Variants in PRDM16 observed in about 807,000 individuals in gnomAD.
The protein encoded by PRDM16 is PR/SET domain 16.
Under a neutral mutation model 110.6 loss-of-function variants are expected in PRDM16, and 23 were observed. The observed-to-expected ratio is 0.21, with a 90% confidence interval of 0.15 to 0.29. The LOEUF is 0.29. Ranked by LOEUF, PRDM16 falls within the 10% of genes least tolerant of loss-of-function variation. PRDM16 has a pLI of 1.00. For missense variants in PRDM16, 1,615 were observed against 1,794.3 expected, an observed-to-expected ratio of 0.90 and a Z score of 1.81; for synonymous variants, 799 against 781.8, an observed-to-expected ratio of 1.02 and a Z score of -0.37.
chr1:3,425,852 G>T lies in PRDM16; in HGVS notation c.3109+102G>T. 2 of 1,450,336 alleles carry T rather than the reference G, an allele frequency of 1.4e-6. No homozygotes were observed. Among genetic ancestry groups the T allele is most frequent in the African/African-American group, 1.4e-5 (1 of 71,410 alleles). The allele number at this position is 1,450,336 out of a possible 1,614,324, so 89.8% of individuals were successfully genotyped here. On this transcript the variant is annotated intron_variant, in intron 13 of 16. Coordinates refer to ENST00000270722, the MANE Select transcript of PRDM16 (RefSeq NM_022114.4). This position sits in a 1 kb window ranked among gnomAD's most constrained non-coding sequence, Gnocchi z 6.9. ...GGGAGTGGGCGCCGGGCAGGGAAGA[G>T]GGCCACAGACTACCCCTCAGGAAGC...
At chr1:3,095,423 C>A (rs554593800) in intron 1 of PRDM16, among the ~76,000 whole-genome samples, 7 of 152,240 alleles carry the variant, frequency 4.6e-5, no homozygotes, top group Non-Finnish European at 1.0e-4. Context: ...ACAGTGGTAT[C>A]CCCCTCCTGG....
chr1:3,400,644 C>T (rs1035490371), intron 5 of PRDM16, among the ~76,000 whole-genome samples: 1 of 152,146 alleles, frequency 6.6e-6, no homozygotes, highest in Non-Finnish European at 1.5e-5. Context: ...AGGTGTGGAC[C>T]GCAGTCCTGT....
intron 3 of PRDM16, among the ~76,000 whole-genome samples, chr1:3,273,574 G>A (rs1486410475): frequency 6.6e-6 from 1 of 152,148 alleles, no homozygotes; most frequent in Non-Finnish European, 1.5e-5. Flanking sequence ...ACATGCCCAT[G>A]TGTGCACATG....
chr1:3,234,588 C>T (rs917594221), intron 2 of PRDM16, among the ~76,000 whole-genome samples: 1 of 152,202 alleles, frequency 6.6e-6, no homozygotes, highest in Admixed American at 6.5e-5. Flanking sequence ...GTCAGAGAGC[C>T]ACCCCGAGCA....
intron 1 of PRDM16, among the ~76,000 whole-genome samples, chr1:3,075,079 G>A (rs939143161): frequency 1.3e-5 from 2 of 152,232 alleles, no homozygotes; most frequent in African/African-American, 2.4e-5. Flanking sequence ...AATCCTCCAC[G>A]GTCTGGAGGT....
chr1:3,210,112 G>A (rs767624879), intron 2 of PRDM16, among the ~76,000 whole-genome samples: 17 of 152,178 alleles, frequency 1.1e-4, no homozygotes, highest in Non-Finnish European at 2.4e-4. Flanking sequence ...AATAAATATT[G>A]GATAATTGCA....
At position 3,273,749 on chromosome 1, in the gene PRDM16, TG is replaced by T. The variant is rs1178924818; in HGVS notation, c.438+29617del. 2.0e-5 allele frequency among the ~76,000 whole-genome samples: 3 copies of T among 151,362 alleles called. No individual in the cohort carries two copies. In the East Asian group the frequency reaches 5.8e-4, roughly 29 times the overall value. ...ACATGTGTGTGCATGGATAGGTGTGTGGGGGTTGCATATATAAGGGTATATG... is the reference window on the plus strand; with the variant it reads ...ACATGTGTGTGCATGGATAGGTGTGTGGGGTTGCATATATAAGGGTATATG... On this transcript the variant is annotated intron_variant, in intron 3 of 16. Coordinates refer to ENST00000270722, the MANE Select transcript of PRDM16 (RefSeq NM_022114.4).
intron 3 of PRDM16, among the ~76,000 whole-genome samples, chr1:3,354,050 CAGGCACTTGT>C (rs1162938600): frequency 6.6e-6 from 1 of 152,208 alleles, no homozygotes; most frequent in Non-Finnish European, 1.5e-5. Context: ...GGTCCTGGTC[CAGGCACTTGT>C]CTCCCGTGAA....
At chr1:3,406,283 C>A (rs1221847866) in intron 8 of PRDM16, among the ~76,000 whole-genome samples, 2 of 152,080 alleles carry the variant, frequency 1.3e-5, no homozygotes, top group Non-Finnish European at 2.9e-5. Flanking sequence ...AGGCTGGCAG[C>A]CTGGTGTGGG....
At chr1:3,424,942 C>T (rs1638550775) in intron 12 of PRDM16, 1 of 152,454 alleles carries the variant, frequency 6.6e-6, no homozygotes, top group African/African-American at 2.4e-5. Context: ...GCCTGGGGGC[C>T]AGGGAGACCC....
intron 6 of PRDM16, among the ~76,000 whole-genome samples, chr1:3,403,203 G>A (rs964840695): frequency 1.3e-5 from 2 of 152,202 alleles, no homozygotes; most frequent in Non-Finnish European, 1.5e-5. Flanking sequence ...CAGAGCAGGT[G>A]CAGGATCCCG....
intron 3 of PRDM16, among the ~76,000 whole-genome samples, chr1:3,251,333 GTGAGGC>G (rs1639927385): frequency 6.6e-6 from 1 of 152,166 alleles, no homozygotes; most frequent in African/African-American, 2.4e-5. Flanking sequence ...GGGCGCAGCC[GTGAGGC>G]ACAGCTCTGG....
At chr1:3,415,115 G>A (rs1569741292) in intron 10 of PRDM16, among the ~76,000 whole-genome samples, 1 of 152,308 alleles carries the variant, frequency 6.6e-6, no homozygotes, top group African/African-American at 2.4e-5. Flanking sequence ...CCCCAGGGAG[G>A]TGGTGGGCAG....
In PRDM16 at chr1:3,418,648, C is replaced by T; in HGVS notation, c.2862-19C>T. The T allele has an allele frequency of 1.9e-6, 3 of 1,587,898 alleles. No individual in the cohort carries two copies. Among genetic ancestry groups the T allele is most frequent in the Non-Finnish European group, 2.6e-6 (3 of 1,156,298 alleles). On this transcript the variant is annotated intron_variant, in intron 11 of 16. Coordinates refer to ENST00000270722, the MANE Select transcript of PRDM16 (RefSeq NM_022114.4). ...CCACCCTAATCCTCCCTCACCCTCC[C>T]CACCTCCCTCCACCCCAGGTACTGT...
intron 3 of PRDM16, among the ~76,000 whole-genome samples, chr1:3,375,117 G>T (rs1177291032): frequency 6.6e-6 from 1 of 152,192 alleles, no homozygotes; most frequent in Non-Finnish European, 1.5e-5. Context: ...GGACACCGAG[G>T]CAGGACCCCA....
At chr1:3,418,535 T>A (rs1240320778) in intron 11 of PRDM16, 132 bp from the exon 12 acceptor site, 2 of 681,402 alleles carry the variant, frequency 2.9e-6, no homozygotes, top group Admixed American at 4.5e-5. Flanking sequence ...GGACTGAAAC[T>A]GGGATGCTGG....
chr1:3,104,729 C>T (rs1240480147), intron 1 of PRDM16, among the ~76,000 whole-genome samples: 1 of 152,032 alleles, frequency 6.6e-6, no homozygotes, highest in Non-Finnish European at 1.5e-5. Context: ...CCTTGGAGCC[C>T]CCACCTCCCC....
At chr1:3,364,381 A>G (rs1642771795) in intron 3 of PRDM16, among the ~76,000 whole-genome samples, 1 of 152,144 alleles carries the variant, frequency 6.6e-6, no homozygotes, top group Non-Finnish European at 1.5e-5. Context: ...CTGGTAATTT[A>G]CAAACCCAAA....
At chr1:3,307,020 C>CT (rs1446941008) in intron 3 of PRDM16, 6 of 152,262 alleles carry the variant, frequency 3.9e-5, no homozygotes, top group African/African-American at 1.4e-4. Flanking sequence ...CTCACTCGTT[C>CT]TTATGGCTGA....
Sources: gnomAD v4.1 joint callset for allele counts (sites outside exome capture counted in the v4.1 genomes callset) on GRCh38, gnomAD v4.1.1 for gene constraint, Gnocchi (gnomAD v3.1) non-coding constraint, MANE v1.5 for transcripts, NCBI Gene and HGNC (gene_info 2026-07-23, HGNC 2026-07-21) for gene names.